Variants in DCDC1 observed in about 807,000 individuals in gnomAD.
DCDC1 encodes doublecortin domain-containing protein 1.
In DCDC1, 200 loss-of-function variants were observed where a neutral mutation model predicts 178.3. That is an observed-to-expected ratio of 1.12 (90% CI 1.00 to 1.26). The LOEUF (loss-of-function observed/expected upper bound fraction) is 1.26. DCDC1 is among the 50% of genes most tolerant of loss of function. DCDC1 has a pLI of 0.00. For synonymous variants in DCDC1, 690 were observed against 604.8 expected, an observed-to-expected ratio of 1.14 and a Z score of -2.07; for missense variants, 1,983 against 1,749.2, an observed-to-expected ratio of 1.13 and a Z score of -2.38.
intron 15 of DCDC1, among the ~76,000 whole-genome samples, chr11:31,099,639 G>C (rs1388617493): frequency 6.6e-6 from 1 of 151,824 alleles, no homozygotes; most frequent in Non-Finnish European, 1.5e-5. Flanking sequence ...ATGGGGTTGG[G>C]GTACAGAAGG....
intron 4 of DCDC1, 84 bp from the exon 5 acceptor site, chr11:31,306,472 C>A: frequency 7.3e-7 from 1 of 1,365,454 alleles, no homozygotes; most frequent in Non-Finnish European, 9.6e-7. Context: ...TTTTTTTAAA[C>A]AGATATAAGC....
At chr11:30,993,255 G>C (rs764928008) in intron 20 of DCDC1, among the ~76,000 whole-genome samples, 2 of 152,034 alleles carry the variant, frequency 1.3e-5, no homozygotes, top group Non-Finnish European at 2.9e-5. Context: ...TTAAGTTAAT[G>C]TAGCTTTTTA....
intron 3 of DCDC1, among the ~76,000 whole-genome samples, chr11:31,321,893 T>C (rs975585492): frequency 1.3e-5 from 2 of 152,160 alleles, no homozygotes; most frequent in African/African-American, 4.8e-5. Flanking sequence ...CACGATTAGC[T>C]CTGAAGAAAA....
intron 2 of DCDC1, among the ~76,000 whole-genome samples, chr11:31,330,797 G>A (rs1285141792): frequency 6.6e-6 from 1 of 152,154 alleles, no homozygotes; most frequent in Non-Finnish European, 1.5e-5. Context: ...TTTGGTTACT[G>A]TAGCCTTGTA....
intron 20 of DCDC1, among the ~76,000 whole-genome samples, chr11:31,039,700 T>C (rs960395693): frequency 1.3e-5 from 2 of 152,112 alleles, no homozygotes; most frequent in Non-Finnish European, 1.5e-5. Context: ...AAGAATGATA[T>C]GATATTCACA....
intron 20 of DCDC1, among the ~76,000 whole-genome samples, chr11:31,004,528 A>AT (rs1951736683): frequency 6.6e-6 from 1 of 150,634 alleles, no homozygotes; most frequent in Admixed American, 6.6e-5. Flanking sequence ...GAAAAAAAAA[A>AT]AAAAATTAGC....
intron 20 of DCDC1, among the ~76,000 whole-genome samples, chr11:31,056,960 G>C (rs865812678): frequency 6.6e-6 from 1 of 152,072 alleles, no homozygotes; most frequent in African/African-American, 2.4e-5. Flanking sequence ...GGCTGGGCAC[G>C]GTGGTGCATA....
At chr11:31,162,133 TAAAG>T (rs886498029) in intron 9 of DCDC1, among the ~76,000 whole-genome samples, 2 of 152,164 alleles carry the variant, frequency 1.3e-5, no homozygotes, top group African/African-American at 4.8e-5. Context: ...TTTTAGTAAG[TAAAG>T]AAACTATGCA....
At chr11:31,058,222 T>G (rs902961375) in intron 20 of DCDC1, among the ~76,000 whole-genome samples, 5 of 152,164 alleles carry the variant, frequency 3.3e-5, no homozygotes, top group Non-Finnish European at 5.9e-5. Flanking sequence ...CAGGATGGTC[T>G]TGAAATGTAC....
intron 17 of DCDC1, among the ~76,000 whole-genome samples, chr11:31,082,597 ATATCT>A (rs1957246146): frequency 5.0e-5 from 2 of 40,346 alleles, no homozygotes; most frequent in Non-Finnish European, 9.7e-5. Flanking sequence ...ATAGATATAG[ATATCT>A]ATATCTATAC....
chr11:31,339,517 C>T lies in DCDC1; in HGVS notation c.-124-3953G>A, dbSNP rs138318152. Among the ~76,000 whole-genome samples, 881 of 152,232 alleles carry T rather than the reference C, an allele frequency of 5.8e-3. 13 individuals are homozygous for T. The highest frequency in any genetic ancestry group is 0.02 in the African/African-American group (847 of 41,540). ...TATACATTGATCAGTTTCCTTGCCTCATTCAATATATGCTAGTAATACCTG... is the reference window on the plus strand; with the variant it reads ...TATACATTGATCAGTTTCCTTGCCTTATTCAATATATGCTAGTAATACCTG... On this transcript the variant is annotated intron_variant, in intron 1 of 38. Coordinates refer to ENST00000684477, the MANE Select transcript of DCDC1 (RefSeq NM_001387274.1).
chr11:31,130,284 A>T (rs1962256611), intron 10 of DCDC1, among the ~76,000 whole-genome samples: 1 of 152,152 alleles, frequency 6.6e-6, no homozygotes, highest in Non-Finnish European at 1.5e-5. Context: ...ATTCTTTACT[A>T]ATAATTCTAT....
chr11:31,345,704 C>T (rs990631889), intron 1 of DCDC1, among the ~76,000 whole-genome samples: 4 of 152,026 alleles, frequency 2.6e-5, no homozygotes, highest in Non-Finnish European at 4.4e-5. Flanking sequence ...ATTGCTGGAC[C>T]ACCAATTTAG....
At chr11:30,971,231 T>A (rs1949758265) in intron 20 of DCDC1, among the ~76,000 whole-genome samples, 1 of 151,608 alleles carries the variant, frequency 6.6e-6, no homozygotes, top group Non-Finnish European at 1.5e-5. Context: ...ATCAATAACA[T>A]AAAGACACAC....
At chr11:30,919,314 A>G (rs536928081) in intron 25 of DCDC1, among the ~76,000 whole-genome samples, 83 of 152,278 alleles carry the variant, frequency 5.5e-4, no homozygotes, top group African/African-American at 2.0e-3. Flanking sequence ...GAAAACAGTG[A>G]TCTCTCTGTT....
chr11:30,872,927 C>T (rs1941720152), intron 38 of DCDC1, among the ~76,000 whole-genome samples: 1 of 151,868 alleles, frequency 6.6e-6, no homozygotes, highest in African/African-American at 2.4e-5. Flanking sequence ...GGACAGGGAT[C>T]ACATCTGTCA....
intron 38 of DCDC1, among the ~76,000 whole-genome samples, chr11:30,868,044 A>G (rs1941163342): frequency 6.6e-6 from 1 of 152,098 alleles, no homozygotes; most frequent in Non-Finnish European, 1.5e-5. Context: ...GAATGGAAGA[A>G]CCAGAATAGA....
At chr11:31,250,421 C>CACACACACACACACACACACACAA in intron 8 of DCDC1, among the ~76,000 whole-genome samples, 1 of 52,958 alleles carries the variant, frequency 1.9e-5, no homozygotes, top group East Asian at 1.8e-3. Context: ...CACACATATA[C>CACACACACACACACACACACACAA]ATATATATGT....
At chr11:31,280,709 G>T (rs1946362059) in intron 7 of DCDC1, 6 of 573,750 alleles carry the variant, frequency 1.0e-5, no homozygotes, top group African/African-American at 1.9e-5. Flanking sequence ...TAACAAGTCT[G>T]CCCTTTCTGC....
Sources: gnomAD v4.1 joint callset for allele counts (sites outside exome capture counted in the v4.1 genomes callset) on GRCh38, gnomAD v4.1.1 for gene constraint, MANE v1.5 for transcripts, NCBI Gene and HGNC (gene_info 2026-07-23, HGNC 2026-07-21) for gene names.